GRM8: variants seen among roughly 807,000 people sequenced by gnomAD.
GRM8 encodes the protein glutamate metabotropic receptor 8, also known as metabotropic glutamate receptor 8.
A neutral mutation model predicts 87.2 loss-of-function variants in GRM8; 47 were observed. That is an observed-to-expected ratio of 0.54 (90% CI 0.43 to 0.69). The LOEUF (loss-of-function observed/expected upper bound fraction) is 0.69. Among genes scored for constraint, GRM8 ranks in the 30% least tolerant of loss-of-function variants. The pLI is 0.00. For missense variants in GRM8, 1,019 were observed against 1,139.2 expected (o/e 0.89, Z 1.52); for synonymous variants, 396 against 404.5 (o/e 0.98, Z 0.25).
At chr7:126,889,792 G>C (rs183538741) in intron 6 of GRM8, among the ~76,000 whole-genome samples, 18 of 152,064 alleles carry the variant, frequency 1.2e-4, no homozygotes, top group African/African-American at 4.3e-4. Context: ...ACTTAATTCA[G>C]AATTTCTATA....
At chr7:126,841,561 T>C (rs1418083018) in intron 6 of GRM8, among the ~76,000 whole-genome samples, 2 of 152,112 alleles carry the variant, frequency 1.3e-5, no homozygotes, top group Non-Finnish European at 2.9e-5. Flanking sequence ...AAAATGAACA[T>C]GCATTAGGTA....
At chr7:126,654,269 G>T (rs1236519193) in intron 7 of GRM8, among the ~76,000 whole-genome samples, 3 of 152,178 alleles carry the variant, frequency 2.0e-5, no homozygotes, top group Non-Finnish European at 4.4e-5. Context: ...AAACCTCAGA[G>T]CATTCAAATC....
At chr7:127,190,228 G>A (rs1053419327) in intron 2 of GRM8, among the ~76,000 whole-genome samples, 1 of 152,192 alleles carries the variant, frequency 6.6e-6, no homozygotes, top group African/African-American at 2.4e-5. Context: ...GGCTCTTGAG[G>A]TCTAAGCTCA....
At position 126,903,775 on chromosome 7, in the gene GRM8, G is replaced by GTATA. The variant is rs544721638; in HGVS notation, c.1018+193_1018+196dup. On this transcript the variant is annotated intron_variant, in intron 5 of 10. Coordinates refer to ENST00000339582, the MANE Select transcript of GRM8 (RefSeq NM_000845.3). ...TATGTGTATATATATATGTGTGTGT[G>GTATA]TATATATATATATATATATATATAT... is the stretch of plus-strand genomic sequence containing the variant. Among the ~76,000 whole-genome samples, 748 of 87,556 alleles carry GTATA rather than the reference G, an allele frequency of 8.5e-3. 64 individuals are homozygous for GTATA. Among genetic ancestry groups the GTATA allele is most frequent in the African/African-American group, 0.022 (507 of 22,674 alleles). The allele number at this position is 87,556 out of a possible 152,430, so 57.4% of individuals were successfully genotyped here. A position where few individuals can be genotyped will look rare whatever the true frequency, so the allele number is the denominator to read the frequency against.
At chr7:126,753,676 T>C (rs28547284) in intron 7 of GRM8, among the ~76,000 whole-genome samples, 59,061 of 151,454 alleles carry the variant, frequency 0.39, 12,729 homozygotes, top group Non-Finnish European at 0.48. Context: ...TCTTTATATA[T>C]ATACATACAT....
At chr7:127,088,359 T>C (rs1380320457) in intron 3 of GRM8, among the ~76,000 whole-genome samples, 2 of 152,212 alleles carry the variant, frequency 1.3e-5, no homozygotes, top group Non-Finnish European at 2.9e-5. Flanking sequence ...ACACTAGGGT[T>C]GGTGAAGGCA....
intron 3 of GRM8, among the ~76,000 whole-genome samples, chr7:126,933,367 T>C (rs529219677): frequency 1.3e-5 from 2 of 152,318 alleles, no homozygotes; most frequent in African/African-American, 4.8e-5. Context: ...ATTGGATGAA[T>C]GTTATCTGGA....
chr7:126,986,478 C>T (rs1255485748), intron 3 of GRM8, among the ~76,000 whole-genome samples: 1 of 152,018 alleles, frequency 6.6e-6, no homozygotes, highest in Non-Finnish European at 1.5e-5. Flanking sequence ...TACTAAAGCC[C>T]AAATTATTTT....
At chr7:127,065,581 T>C (rs1191925241) in intron 3 of GRM8, among the ~76,000 whole-genome samples, 1 of 152,054 alleles carries the variant, frequency 6.6e-6, no homozygotes, top group Non-Finnish European at 1.5e-5. Context: ...CTCCAAATAA[T>C]TTGAGGATGA....
At chr7:127,013,199 C>T (rs911353886) in intron 3 of GRM8, among the ~76,000 whole-genome samples, 1 of 152,184 alleles carries the variant, frequency 6.6e-6, no homozygotes, top group Non-Finnish European at 1.5e-5. Flanking sequence ...GGTGGGAGGA[C>T]TCACAGGCTG....
intron 3 of GRM8, among the ~76,000 whole-genome samples, chr7:126,974,925 GACTCT>G (rs1374209001): frequency 9.1e-6 from 1 of 109,570 alleles, no homozygotes; most frequent in African/African-American, 3.6e-5. Flanking sequence ...GACAGAGCGA[GACTCT>G]TGTCTCAAAA....
intron 6 of GRM8, among the ~76,000 whole-genome samples, chr7:126,825,268 A>G (rs1033899384): frequency 7.2e-5 from 11 of 152,050 alleles, no homozygotes; most frequent in East Asian, 3.9e-4. Context: ...GGGTTTCACC[A>G]TGCTAGCCAG....
chr7:126,912,404 T>C (rs1803412195), intron 3 of GRM8, among the ~76,000 whole-genome samples: 2 of 152,200 alleles, frequency 1.3e-5, no homozygotes, highest in South Asian at 4.1e-4. Context: ...TCTCAGTGCC[T>C]CTGGCTCTGA....
At chr7:126,559,073 G>GT (rs1282841838) in intron 8 of GRM8, among the ~76,000 whole-genome samples, 1 of 151,996 alleles carries the variant, frequency 6.6e-6, no homozygotes, top group Non-Finnish European at 1.5e-5. Context: ...ATAGGGAAAT[G>GT]GGCTCCAGAT....
At chr7:126,988,520 G>T (rs1812333279) in intron 3 of GRM8, among the ~76,000 whole-genome samples, 1 of 152,154 alleles carries the variant, frequency 6.6e-6, no homozygotes, top group South Asian at 2.1e-4. Flanking sequence ...AGCAGCATTT[G>T]CTTGTAAAAT....
chr7:126,516,695 T>C (rs1028807409), intron 9 of GRM8, among the ~76,000 whole-genome samples: 5 of 152,048 alleles, frequency 3.3e-5, no homozygotes, highest in African/African-American at 1.2e-4. Context: ...AAAGAGAACA[T>C]GGGAGGCAAT....
chr7:126,828,304 T>G lies in GRM8; in HGVS notation c.1157-58239A>C, dbSNP rs1225587960. ...AAAGAATGGTACCAGTTCCTCCTTG[T>G]ACCTCTGGTAGAATTCGGCTGTGAA... On this transcript the variant is annotated intron_variant, in intron 6 of 10. Coordinates refer to ENST00000339582, the MANE Select transcript of GRM8 (RefSeq NM_000845.3). Among the ~76,000 whole-genome samples the G allele has an allele frequency of 5.3e-5, 8 of 152,354 alleles. No homozygotes were observed. In the South Asian group the frequency reaches 1.5e-3, roughly 28 times the overall value.
At chr7:126,984,069 A>G (rs1402981240) in intron 3 of GRM8, among the ~76,000 whole-genome samples, 1 of 152,202 alleles carries the variant, frequency 6.6e-6, no homozygotes, top group Non-Finnish European at 1.5e-5. Flanking sequence ...ATGTGACATA[A>G]GATTTATTGA....
At chr7:127,143,513 T>C (rs1323996717) in intron 2 of GRM8, among the ~76,000 whole-genome samples, 2 of 152,188 alleles carry the variant, frequency 1.3e-5, no homozygotes, top group Non-Finnish European at 2.9e-5. Flanking sequence ...AAGCCCATCA[T>C]TGCAGGCTAT....
Sources: gnomAD v4.1 joint callset for allele counts (sites outside exome capture counted in the v4.1 genomes callset) on GRCh38, gnomAD v4.1.1 for gene constraint, MANE v1.5 for transcripts, NCBI Gene and HGNC (gene_info 2026-07-23, HGNC 2026-07-21) for gene names.